The following TNK2 variants were observed in gnomAD, a reference collection of about 807,000 sequenced individuals.
TNK2 encodes the protein activated CDC42 kinase 1.
TNK2 carries 83 observed loss-of-function variants against 101.8 expected under a neutral mutation model. That is an observed-to-expected ratio of 0.82 (90% CI 0.68 to 0.98). The LOEUF (loss-of-function observed/expected upper bound fraction) is 0.98. Ranked by LOEUF, TNK2 falls within the 50% of genes least tolerant of loss-of-function variation. The pLI, the probability that TNK2 is intolerant of heterozygous loss-of-function variation, is 0.00. For synonymous variants in TNK2, 804 were observed against 633.0 expected, an observed-to-expected ratio of 1.27 and a Z score of -4.06; for missense variants, 1,665 against 1,483.2, an observed-to-expected ratio of 1.12 and a Z score of -2.01.
At position 195,878,530 on chromosome 3, in the gene TNK2, G is replaced by A. The variant is rs992068424; in HGVS notation, c.1077C>T (p.Asp359=). 1.9e-6 allele frequency: 3 copies of A among 1,613,830 alleles called. No homozygotes were observed. The highest frequency in any genetic ancestry group is 1.3e-5 in the African/African-American group (1 of 75,056). ...AGCACTGGACCATGACGTTGTAGAT[G>A]TCCTGGGGACAGTCCTCGGGCCGGG... ...RLPRPEDCPQ[D]IYNVMVQCWA... The change falls in exon 8 of 16, where the codon GAC becomes GAT. Residue 359 remains aspartate (D), a synonymous_variant. Coordinates refer to ENST00000672887, the MANE Select transcript of TNK2 (RefSeq NM_001382273.1). This position sits in a 1 kb window ranked among gnomAD's most constrained non-coding sequence, Gnocchi z 4.7.
chr3:195,869,296 C>A, intron 12 of TNK2: 1 of 637,964 alleles, frequency 1.6e-6, no homozygotes, highest in South Asian at 1.8e-5. Context: ...CAGGGCCACA[C>A]TCGTGAGCAG....
chr3:195,865,068 C>A (rs1353812653), intron 15 of TNK2, among the ~76,000 whole-genome samples: 1 of 142,880 alleles, frequency 7.0e-6, no homozygotes, highest in Non-Finnish European at 1.5e-5. Flanking sequence ...AGACAGGTGA[C>A]ACGGAGTGCC....
At chr3:195,870,810 A>C (rs1744604484) in intron 10 of TNK2, among the ~76,000 whole-genome samples, 2 of 152,248 alleles carry the variant, frequency 1.3e-5, no homozygotes, top group African/African-American at 4.8e-5. Context: ...AGGTGTCTGC[A>C]GTCTTTCACC....
chr3:195,868,896 G>C lies in TNK2; in HGVS notation c.1589-187C>G. On this transcript the variant is annotated intron_variant, in intron 12 of 15. Coordinates refer to ENST00000672887, the MANE Select transcript of TNK2 (RefSeq NM_001382273.1). ...GCACCTCCGACCACTCCATCAGGAG[G>C]GCGGAACCTGCTCTGCCCGGCAGCC... 4 of 641,536 alleles carry C rather than the reference G, an allele frequency of 6.2e-6. No homozygotes were observed. The South Asian group carries it at 6.3e-5, about 10-fold the overall frequency. 39.7% of individuals were successfully genotyped at this position (641,536 alleles called of 1,614,324 possible). A position where few individuals can be genotyped will look rare whatever the true frequency, so the allele number is the denominator to read the frequency against.
At chr3:195,874,238 C>G (rs1747536484) in intron 9 of TNK2, among the ~76,000 whole-genome samples, 1 of 152,234 alleles carries the variant, frequency 6.6e-6, no homozygotes, top group Admixed American at 6.5e-5. Context: ...CTCAGAGCAG[C>G]GTGACTCGTG....
intron 6 of TNK2, among the ~76,000 whole-genome samples, chr3:195,880,155 A>G (rs1031017752): frequency 1.3e-5 from 2 of 152,076 alleles, no homozygotes; most frequent in African/African-American, 4.8e-5. Flanking sequence ...CCAGAGAACC[A>G]CAATGGTCTC....
intron 9 of TNK2, among the ~76,000 whole-genome samples, chr3:195,876,979 G>A (rs1377680785): frequency 1.3e-5 from 2 of 152,194 alleles, no homozygotes; most frequent in Non-Finnish European, 2.9e-5. Context: ...CAGCACAAGA[G>A]GGGCCAGGCC....
Position 195,882,114 on chromosome 3 carries a change from C to T in TNK2, c.824G>A (p.Arg275Gln), listed in dbSNP as rs767496703. 1.2e-5 allele frequency: 20 copies of T among 1,613,664 alleles called. No homozygotes were observed. Among genetic ancestry groups the T allele is most frequent in the Non-Finnish European group, 4.2e-6 (5 of 1,180,014 alleles). The stretch of plus-strand genomic sequence containing the variant: ...ATGGTCGTCATTCTGAGGTAGTGCT[C>T]GCATCAGCCCAAAGTCCCCGATCTT... Reference protein sequence around the residue: ...LVKIGDFGLMRALPQNDDHYV... With the variant: ...LVKIGDFGLMQALPQNDDHYV... Residue 275 changes from arginine (R) to glutamine (Q), a missense_variant, in exon 6 of 16, where the codon CGA becomes CAA. Physicochemically the swap from Arg to Gln is conservative, Grantham distance 43 (BLOSUM62 1). Coordinates refer to ENST00000672887, the MANE Select transcript of TNK2 (RefSeq NM_001382273.1). This position sits in a 1 kb window ranked among gnomAD's most constrained non-coding sequence, Gnocchi z 4.2.
intron 11 of TNK2, 77 bp from the exon 12 acceptor site, chr3:195,869,618 G>A: frequency 1.4e-6 from 2 of 1,403,238 alleles, no homozygotes; most frequent in Non-Finnish European, 2.0e-6. Context: ...GGCCGGACGA[G>A]AGGGCAGAGT....
Position 195,878,699 on chromosome 3 carries a change from G to A in TNK2, c.1015-107C>T. On this transcript the variant is annotated intron_variant, in intron 7 of 15. Transcript: ENST00000672887. The surrounding 1 kb of genome is among the most constrained non-coding windows in gnomAD (Gnocchi z 4.7). The stretch of plus-strand genomic sequence containing the variant: ...AGCTGCAGCGGCTGCTGCCATGCCT[G>A]GCCTCCAAAGAAGGGATCTGCCTGC... The A allele has an allele frequency of 6.8e-7, 1 of 1,470,420 alleles. No individual in the cohort carries two copies. Among genetic ancestry groups the A allele is most frequent in the Non-Finnish European group, 9.1e-7 (1 of 1,100,196 alleles). 91.1% of individuals were successfully genotyped at this position (1,470,420 alleles called of 1,614,324 possible). A position where few individuals can be genotyped will look rare whatever the true frequency, so the allele number is the denominator to read the frequency against.
Position 195,868,475 on chromosome 3 carries a change from G to A in TNK2, c.1823C>T (p.Ala608Val), listed in dbSNP as rs954504227. 1.3e-6 allele frequency: 2 copies of A among 1,549,912 alleles called. No homozygotes were observed. The highest frequency in any genetic ancestry group is 1.2e-5 in the South Asian group (1 of 85,286). ...GTCCAGCAGGGAGCAGGCGTCCATG[G>A]CCAGCTGCGCCAGGGAGGGCGCGCA... is the stretch of plus-strand genomic sequence containing the variant. ...RPCAPSLAQL[A>V]MDACSLLDET... Residue 608 changes from alanine (A) to valine (V), a missense_variant, in exon 13 of 16, where the codon GCC (alanine) becomes GTC (valine). Transcript: ENST00000672887.
Position 195,882,630 on chromosome 3 carries a change from G to C in TNK2, c.610-302C>G, listed in dbSNP as rs1343880066. 2.0e-6 allele frequency: 2 copies of C among 995,452 alleles called. No homozygotes were observed. Among genetic ancestry groups the C allele is most frequent in the Non-Finnish European group, 2.9e-6 (2 of 699,272 alleles). The allele number at this position is 995,452 out of a possible 1,614,324, so 61.7% of individuals were successfully genotyped here. A position where few individuals can be genotyped will look rare whatever the true frequency, so the allele number is the denominator to read the frequency against. On this transcript the variant is annotated intron_variant, in intron 5 of 15. Transcript: ENST00000672887. The surrounding 1 kb of genome is among the most constrained non-coding windows in gnomAD (Gnocchi z 4.2). ...CCCAGCACTTTGGGAGGCCGAGGTGGGTGGATCATTTGAGGTCAGGAGTTT... is the reference window on the plus strand; with the variant it reads ...CCCAGCACTTTGGGAGGCCGAGGTGCGTGGATCATTTGAGGTCAGGAGTTT...
At chr3:195,869,593 A>G (rs1383651212) in intron 11 of TNK2, 52 bp from the exon 12 acceptor site, 1 of 1,535,898 alleles carries the variant, frequency 6.5e-7, no homozygotes, top group African/African-American at 1.4e-5. Flanking sequence ...AGGACAGAGG[A>G]CAAAGGAGGG....
At chr3:195,864,785 C>A (rs1739483889) in intron 15 of TNK2, among the ~76,000 whole-genome samples, 1 of 145,612 alleles carries the variant, frequency 6.9e-6, no homozygotes, top group Admixed American at 6.8e-5. Flanking sequence ...TAAGAACCAC[C>A]CGAGACAGTG....
Position 195,892,624 on chromosome 3 carries a change from C to T in TNK2, c.-18-4018G>A, listed in dbSNP as rs909907897. The stretch of plus-strand genomic sequence containing the variant: ...TGAGGAAGAACGGGGTGGGCCCCTC[C>T]GCTCTGCTGCAAGCCCCGCTGGGTT... On this transcript the variant is annotated intron_variant, in intron 1 of 15. Coordinates refer to ENST00000672887, the MANE Select transcript of TNK2 (RefSeq NM_001382273.1). The T allele has an allele frequency of 8.2e-5, 118 of 1,438,676 alleles. 2 individuals are homozygous for T. Among genetic ancestry groups the T allele is most frequent in the Non-Finnish European group, 1.0e-4 (110 of 1,097,086 alleles). The allele number at this position is 1,438,676 out of a possible 1,614,324, so 89.1% of individuals were successfully genotyped here.
At position 195,888,604 on chromosome 3, in the gene TNK2, CCT is replaced by C; in HGVS notation, c.-18_-17del. Reference sequence around the variant, plus strand: ...CTGGCTGCATTCTGCCGCCTCCCAGCCTCTGTGGGGGGAGGAGTGGCTCAGGG... The same window carrying C: ...CTGGCTGCATTCTGCCGCCTCCCAGCCTGTGGGGGGAGGAGTGGCTCAGGG... On this transcript the variant is annotated splice_region_variant and 5_prime_UTR_variant, in exon 2 of 16. Transcript: ENST00000672887. This position sits in a 1 kb window ranked among gnomAD's most constrained non-coding sequence, Gnocchi z 5.3. The C allele has an allele frequency of 6.2e-7, 1 of 1,607,544 alleles. No homozygotes were observed. The highest frequency in any genetic ancestry group is 8.5e-7 in the Non-Finnish European group (1 of 1,177,448).
In TNK2 at chr3:195,867,926, G is replaced by A. The variant is rs771225452; in HGVS notation, c.2372C>T (p.Pro791Leu). 1.8e-5 allele frequency: 28 copies of A among 1,535,452 alleles called. No individual in the cohort carries two copies. Among genetic ancestry groups the A allele is most frequent in the Admixed American group, 2.3e-5 (1 of 42,746 alleles). ...CAGGGGCTCCCGCGGAGGCACCCGG[G>A]GAGGGGAAGCAGGTCCAGGCCACTG... ...TSQWPGPASP[P>L]RVPPREPLSP... The change falls in exon 13 of 16, where the codon CCC becomes CTC. Residue 791 changes from proline to leucine, a missense_variant. By Grantham distance (98) the Pro-to-Leu change is moderately conservative. Transcript: ENST00000672887.
In TNK2 at chr3:195,882,228, G is replaced by A. The variant is rs769698485; in HGVS notation, c.710C>T (p.Ala237Val). 6.2e-7 allele frequency: 1 copy of A among 1,613,834 alleles called. No individual in the cohort carries two copies. Among genetic ancestry groups the A allele is most frequent in the Non-Finnish European group, 8.5e-7 (1 of 1,180,028 alleles). Residue 237 changes from alanine to valine, a missense_variant, in exon 6 of 16, where the codon GCT becomes GTT. This residue lies in a region of TNK2 where 490 missense variants were observed against 522.5 expected (regional missense o/e 0.94). Coordinates refer to ENST00000672887, the MANE Select transcript of TNK2 (RefSeq NM_001382273.1). The surrounding 1 kb of genome is among the most constrained non-coding windows in gnomAD (Gnocchi z 4.2). ...GGACTCCAGGTAGCCCATGCCCTCAGCCACCTGCACAGCGTAGCGGCTCAG... is the reference window on the plus strand; with the variant it reads ...GGACTCCAGGTAGCCCATGCCCTCAACCACCTGCACAGCGTAGCGGCTCAG... ...GTLSRYAVQV[A>V]EGMGYLESKR...
In TNK2 at chr3:195,885,068, A is replaced by C; in HGVS notation, c.235-35T>G. 6.4e-7 allele frequency: 1 copy of C among 1,551,960 alleles called. No individual in the cohort carries two copies. The highest frequency in any genetic ancestry group is 8.7e-7 in the Non-Finnish European group (1 of 1,144,556). On this transcript the variant is annotated intron_variant, in intron 3 of 15. Transcript: ENST00000672887. The surrounding 1 kb of genome is among the most constrained non-coding windows in gnomAD (Gnocchi z 4.7). ...GGCAGCCGGGGGCCAGATGGAATCCAACACCCCAGGGTCAGTCACTCAGTC... is the reference window on the plus strand; with the variant it reads ...GGCAGCCGGGGGCCAGATGGAATCCCACACCCCAGGGTCAGTCACTCAGTC...
Sources: gnomAD v4.1 joint callset for allele counts (sites outside exome capture counted in the v4.1 genomes callset) on GRCh38, gnomAD v4.1.1 for gene constraint, gnomAD v4.1.1 regional missense constraint, Gnocchi (gnomAD v3.1) non-coding constraint, MANE v1.5 for transcripts, NCBI Gene and HGNC (gene_info 2026-07-23, HGNC 2026-07-21) for gene names.